Variants in MUC12 observed in about 807,000 individuals in gnomAD.
The protein encoded by MUC12 is mucin 12, cell surface associated.
A neutral mutation model predicts 230.8 loss-of-function variants in MUC12; 172 were observed. The observed-to-expected ratio is 0.75, with a 90% CI of 0.66 to 0.85. The LOEUF (loss-of-function observed/expected upper bound fraction) is 0.85, where lower values mean the gene tolerates loss of function less well. Ranked by LOEUF, MUC12 falls within the 40% of genes least tolerant of loss-of-function variation. The pLI, the probability that MUC12 is intolerant of heterozygous loss-of-function variation, is 0.00. For synonymous variants in MUC12, 1,259 were observed against 2,401.9 expected (o/e 0.52, Z 13.91); for missense variants, 3,506 against 5,920.6 (o/e 0.59, Z 13.38).
At chr7:101,006,386 C>A in intron 2 of MUC12, 85 bp from the exon 3 acceptor site, 1 of 888,038 alleles carries the variant, frequency 1.1e-6, no homozygotes, top group African/African-American at 1.6e-5. Context: ...CAGTGCGATG[C>A]TGAGTGACTG....
chr7:101,012,070 A>G (rs975586023), intron 5 of MUC12, among the ~76,000 whole-genome samples: 6 of 152,102 alleles, frequency 3.9e-5, no homozygotes, highest in African/African-American at 7.2e-5. Context: ...CGAGAGATGA[A>G]TTTCACTCAT....
At chr7:101,007,866 C>T (rs548546669) in intron 3 of MUC12, among the ~76,000 whole-genome samples, 39 of 149,938 alleles carry the variant, frequency 2.6e-4, no homozygotes, top group Non-Finnish European at 4.1e-4. Context: ...GGCATGATCT[C>T]GGCTTACTGC....
rs1046138545 is a variant in MUC12 at position 101,008,759 on chromosome 7, C to T, written c.15184C>T (p.Arg5062Trp). Residue 5062 changes from arginine (R) to tryptophan (W), a missense_variant and splice_region_variant, in exon 4 of 12, where the codon CGG becomes TGG. By Grantham distance (101) the Arg-to-Trp change is moderately radical. Coordinates refer to ENST00000536621, the MANE Select transcript of MUC12 (RefSeq NM_001164462.2). ...GAACTTCAGTACCCTCTTCAAGAAT[C>T]GGGTAAGACCAGGGCACACCCAGAC... ...YQNFSTLFKN[R>W]MDVVLKGDNL... 8.5e-6 allele frequency: 13 copies of T among 1,536,742 alleles called. No homozygotes were observed. The highest frequency in any genetic ancestry group is 5.5e-5 in the African/African-American group (4 of 73,040).
intron 9 of MUC12, among the ~76,000 whole-genome samples, chr7:101,015,010 A>G (rs999461487): frequency 7.9e-5 from 12 of 152,246 alleles, no homozygotes; most frequent in Non-Finnish European, 1.5e-4. Flanking sequence ...ATTCATGAGG[A>G]CAGCACCTTC....
rs758140217 is a variant in MUC12 at position 101,004,484 on chromosome 7, A to G, written c.13921A>G (p.Ile4641Val). 9.8e-6 allele frequency: 15 copies of G among 1,528,516 alleles called. No homozygotes were observed. The African/African-American group carries it at 2.2e-4, about 22-fold the overall frequency. The allele number at this position is 1,528,516 out of a possible 1,614,324, so 94.7% of individuals were successfully genotyped here. Residue 4641 changes from isoleucine (I) to valine (V), a missense_variant, in exon 2 of 12, where the codon ATA becomes GTA. Coordinates refer to ENST00000536621, the MANE Select transcript of MUC12 (RefSeq NM_001164462.2). ...RTSHSSTTHT[I>V]SSPPSTTSAL... Reference sequence around the variant, plus strand: ...TTCCCACAGCAGCACAACACACACAATATCTTCACCTCCTAGCACCACATC... The same window carrying G: ...TTCCCACAGCAGCACAACACACACAGTATCTTCACCTCCTAGCACCACATC...
Position 101,006,481 on chromosome 7 carries a change from G to C in MUC12, c.14967G>C (p.Gln4989His), listed in dbSNP as rs1250904351. The stretch of plus-strand genomic sequence containing the variant: ...TCTATCTCTCCACAGGGTTGTGCCA[G>C]GAAGGACAAATTTGGAATGGAAAAC... ...SLETLAPGLC[Q>H]EGQIWNGKQC... Residue 4989 changes from glutamine to histidine, a missense_variant, in exon 3 of 12, where the codon CAG becomes CAC. Gln to His is a conservative substitution (Grantham distance 24, BLOSUM62 0). Coordinates refer to ENST00000536621, the MANE Select transcript of MUC12 (RefSeq NM_001164462.2). 6.5e-7 allele frequency: 1 copy of C among 1,537,120 alleles called. No homozygotes were observed. Among genetic ancestry groups the C allele is most frequent in the Admixed American group, 2.0e-5 (1 of 50,986 alleles).
In MUC12 at chr7:101,009,115, C is replaced by G. The variant is rs146817159; in HGVS notation, c.15207C>G (p.Gly5069=). 110 of 1,537,710 alleles carry G rather than the reference C, an allele frequency of 7.2e-5. No individual in the cohort carries two copies. The East Asian group carries it at 7.6e-4, about 11-fold the overall frequency. ...FKNRMDVVLK[G]DNLPQYRGVN... ...TTCAGATGGATGTCGTTTTGAAGGGCGACAATCTTCCTCAGTATAGAGGGG... is the reference window on the plus strand; with the variant it reads ...TTCAGATGGATGTCGTTTTGAAGGGGGACAATCTTCCTCAGTATAGAGGGG... Residue 5069 remains glycine, a synonymous_variant, in exon 5 of 12, where the codon GGC becomes GGG. Coordinates refer to ENST00000536621, the MANE Select transcript of MUC12 (RefSeq NM_001164462.2).
In MUC12 at chr7:101,018,648, C is replaced by T. The variant is rs1793999362; in HGVS notation, c.*12C>T. The T allele has an allele frequency of 3.3e-6, 5 of 1,534,702 alleles. No homozygotes were observed. The East Asian group carries it at 9.8e-5, about 30-fold the overall frequency. On this transcript the variant is annotated 3_prime_UTR_variant, in exon 12 of 12. Coordinates refer to ENST00000536621, the MANE Select transcript of MUC12 (RefSeq NM_001164462.2). Reference sequence around the variant, plus strand: ...CATCCACTGTGTGAGCCAACGGGGGCCTCCCACCCTCATCTAGCTCTGTTC... The same window carrying T: ...CATCCACTGTGTGAGCCAACGGGGGTCTCCCACCCTCATCTAGCTCTGTTC...
rs1188381855 is a variant in MUC12 at position 100,991,095 on chromosome 7, A to G, written c.532A>G (p.Ile178Val). ...SHSRPGPTHT[I>V]AFPDSTTMPG... ...CAGCCGACCAGGCCCAACGCACACA[A>G]TAGCGTTCCCTGACAGTACCACCAT... The change falls in exon 2 of 12, where the codon ATA (isoleucine) becomes GTA (valine). Residue 178 changes from isoleucine to valine, a missense_variant. Coordinates refer to ENST00000536621, the MANE Select transcript of MUC12 (RefSeq NM_001164462.2). 2 of 1,537,536 alleles carry G rather than the reference A, an allele frequency of 1.3e-6. No individual in the cohort carries two copies. Among genetic ancestry groups the G allele is most frequent in the South Asian group, 1.2e-5 (1 of 84,038 alleles).
At chr7:100,972,231 GA>G in intron 1 of MUC12, 1 of 702,450 alleles carries the variant, frequency 1.4e-6, no homozygotes, top group Non-Finnish European at 2.6e-6. Context: ...TCAGAGAGAG[GA>G]TGAGTGATTT....
At chr7:101,009,284 C>T (rs1793806759) in intron 5 of MUC12, 125 bp downstream of exon 5, 2 of 914,558 alleles carry the variant, frequency 2.2e-6, no homozygotes, top group Non-Finnish European at 3.4e-6. Context: ...CCTGCAGCCG[C>T]TAGGGAACAC....
chr7:100,980,473 A>C lies in MUC12; in HGVS notation c.68-10158A>C, dbSNP rs563965163. Among the ~76,000 whole-genome samples, 91 of 152,308 alleles carry C rather than the reference A, an allele frequency of 6.0e-4. 1 individual carries two copies. Among genetic ancestry groups the C allele is most frequent in the Non-Finnish European group, 2.9e-5 (2 of 68,026 alleles). On this transcript the variant is annotated intron_variant, in intron 1 of 11. Transcript: ENST00000536621. ...ACTATTCTGTTCTATGGAACACCACAGTCATATAACCAGTCCCCTATTTGT... is the reference window on the plus strand; with the variant it reads ...ACTATTCTGTTCTATGGAACACCACCGTCATATAACCAGTCCCCTATTTGT...
intron 1 of MUC12, among the ~76,000 whole-genome samples, chr7:100,990,417 A>G (rs1401279485): frequency 1.3e-5 from 2 of 152,154 alleles, no homozygotes; most frequent in African/African-American, 4.8e-5. Flanking sequence ...GGTGCCAAAA[A>G]GGTTGGGGAC....
rs76432356 is a variant in MUC12, at chr7:100,975,254, C to G, written c.67+5565C>G. On this transcript the variant is annotated intron_variant, in intron 1 of 11. Coordinates refer to ENST00000536621, the MANE Select transcript of MUC12 (RefSeq NM_001164462.2). ...GTTGCACAGTGTTCCTAATAAGGGT[C>G]GAGGAGGGGATGGGCTAGGGGAGAG... 3.9e-5 allele frequency among the ~76,000 whole-genome samples: 6 copies of G among 152,402 alleles called. No individual in the cohort carries two copies. In the South Asian group the frequency reaches 1.0e-3, roughly 26 times the overall value.
chr7:100,986,194 TA>T (rs139231552), intron 1 of MUC12, among the ~76,000 whole-genome samples: 68 of 151,646 alleles, frequency 4.5e-4, no homozygotes, highest in Non-Finnish European at 9.3e-4. Context: ...ATCCCATCTC[TA>T]AAAAAAACAA....
chr7:101,018,526 T>G (rs1793994436), intron 11 of MUC12, 69 bp from the exon 12 acceptor site: 1 of 1,234,402 alleles, frequency 8.1e-7, no homozygotes. Context: ...CAGGGCTCCC[T>G]CTTCCTCCTG....
At chr7:101,012,210 T>A in intron 5 of MUC12, 86 bp from the exon 6 acceptor site, 1 of 1,410,598 alleles carries the variant, frequency 7.1e-7, no homozygotes, top group Non-Finnish European at 9.5e-7. Context: ...GGCAGCTTCA[T>A]CTCCCATTAC....
Position 100,978,142 on chromosome 7 carries a change from C to T in MUC12, c.67+8453C>T, listed in dbSNP as rs985587421. 3.9e-5 allele frequency among the ~76,000 whole-genome samples: 6 copies of T among 152,142 alleles called. No individual in the cohort carries two copies. The East Asian group carries it at 7.7e-4, about 20-fold the overall frequency. On this transcript the variant is annotated intron_variant, in intron 1 of 11. Coordinates refer to ENST00000536621, the MANE Select transcript of MUC12 (RefSeq NM_001164462.2). ...TATTTTGGGGTGATCCTATTCAATGCGCGATACCATGCTTTAGCCTCAACT... is the reference window on the plus strand; with the variant it reads ...TATTTTGGGGTGATCCTATTCAATGTGCGATACCATGCTTTAGCCTCAACT...
Position 101,004,969 on chromosome 7 carries a change from C to T in MUC12, c.14406C>T (p.Gly4802=), listed in dbSNP as rs188687397. The T allele has an allele frequency of 2.1e-5, 33 of 1,537,774 alleles. No individual in the cohort carries two copies. The highest frequency in any genetic ancestry group is 2.7e-5 in the Non-Finnish European group (31 of 1,147,040). Reference sequence around the variant, plus strand: ...CAACAACTTTCCACAGTAAGCCAGGCTCAACTGAGACAACACTGTCCCCTG... The same window carrying T: ...CAACAACTTTCCACAGTAAGCCAGGTTCAACTGAGACAACACTGTCCCCTG... The part of the protein sequence containing the change: ...QESTTFHSKP[G]STETTLSPGS... The change falls in exon 2 of 12, where the codon GGC becomes GGT. Residue 4802 remains glycine, a synonymous_variant. Coordinates refer to ENST00000536621, the MANE Select transcript of MUC12 (RefSeq NM_001164462.2).
Sources: gnomAD v4.1 joint callset for allele counts (sites outside exome capture counted in the v4.1 genomes callset) on GRCh38, gnomAD v4.1.1 for gene constraint, MANE v1.5 for transcripts, NCBI Gene and HGNC (gene_info 2026-07-23, HGNC 2026-07-21) for gene names.